The following CSMD3 variants were observed in gnomAD, a reference collection of about 807,000 sequenced individuals.
CSMD3 encodes the protein CUB and sushi domain-containing protein 3.
In CSMD3, 177 loss-of-function variants were observed where a neutral mutation model predicts 435.2. The observed-to-expected ratio is 0.41, with a 90% confidence interval of 0.36 to 0.46. The LOEUF (loss-of-function observed/expected upper bound fraction) is 0.46. Ranked by LOEUF, CSMD3 falls within the 20% of genes least tolerant of loss-of-function variation. The pLI, the probability that CSMD3 is intolerant of heterozygous loss-of-function variation, is 0.34. For synonymous variants in CSMD3, 1,656 were observed against 1,520.5 expected, an observed-to-expected ratio of 1.09 and a Z score of -2.07; for missense variants, 4,265 against 4,504.6, an observed-to-expected ratio of 0.95 and a Z score of 1.52.
chr8:112,444,584 G>T (rs1003799055), intron 32 of CSMD3, among the ~76,000 whole-genome samples: 1 of 152,148 alleles, frequency 6.6e-6, no homozygotes, highest in African/African-American at 2.4e-5. Context: ...AAAATTTTAT[G>T]ATAGCAAAAA....
At chr8:112,640,040 A>G (rs1308173852) in intron 20 of CSMD3, among the ~76,000 whole-genome samples, 1 of 152,170 alleles carries the variant, frequency 6.6e-6, no homozygotes, top group Non-Finnish European at 1.5e-5. Flanking sequence ...TCCATAGACA[A>G]CATGGTTGCT....
chr8:113,262,832 G>A (rs1316023884), intron 3 of CSMD3, among the ~76,000 whole-genome samples: 1 of 152,048 alleles, frequency 6.6e-6, no homozygotes, highest in African/African-American at 2.4e-5. Context: ...TCACAGAGCT[G>A]CCAACGCCTG....
At chr8:112,333,340 T>C (rs1824255453) in intron 45 of CSMD3, among the ~76,000 whole-genome samples, 1 of 152,100 alleles carries the variant, frequency 6.6e-6, no homozygotes, top group Admixed American at 6.5e-5. Context: ...GCTAATTTTG[T>C]ATTTTTAGTA....
At chr8:113,317,060 C>G (rs988916899) in intron 1 of CSMD3, among the ~76,000 whole-genome samples, 2 of 151,950 alleles carry the variant, frequency 1.3e-5, no homozygotes, top group African/African-American at 2.4e-5. Context: ...CATTTTGCCT[C>G]TTTGAAAATT....
At chr8:112,494,509 T>C (rs1428332521) in intron 30 of CSMD3, among the ~76,000 whole-genome samples, 2 of 84,644 alleles carry the variant, frequency 2.4e-5, no homozygotes, top group African/African-American at 8.1e-5. Flanking sequence ...CTTTCTTTCT[T>C]TCTTTCTTTC....
chr8:113,041,141 G>GGTT (rs2087591214), intron 5 of CSMD3, among the ~76,000 whole-genome samples: 3 of 150,202 alleles, frequency 2.0e-5, no homozygotes, highest in African/African-American at 7.3e-5. Flanking sequence ...GGGAAGCAGA[G>GGTT]GTTGCGGTGA....
intron 11 of CSMD3, among the ~76,000 whole-genome samples, chr8:112,847,953 A>G (rs979880258): frequency 6.6e-6 from 1 of 152,108 alleles, no homozygotes; most frequent in African/African-American, 2.4e-5. Context: ...CAGTTTAATA[A>G]TTTTACCTTC....
chr8:112,982,712 C>A (rs1272920890), intron 6 of CSMD3, among the ~76,000 whole-genome samples: 2 of 149,858 alleles, frequency 1.3e-5, no homozygotes, highest in Admixed American at 1.3e-4. Flanking sequence ...TTACAGAGGC[C>A]TTATCCCCTA....
intron 23 of CSMD3, among the ~76,000 whole-genome samples, chr8:112,582,838 A>G (rs531448884): frequency 2.0e-5 from 3 of 152,138 alleles, no homozygotes; most frequent in East Asian, 1.9e-4. Flanking sequence ...AGATACCTCA[A>G]AAAACTTATT....
At chr8:113,290,374 G>A (rs2093677869) in intron 2 of CSMD3, among the ~76,000 whole-genome samples, 1 of 151,526 alleles carries the variant, frequency 6.6e-6, no homozygotes, top group African/African-American at 2.4e-5. Context: ...TTTCAGAAAA[G>A]TTTTGATTCT....
At chr8:113,393,583 T>C (rs1373831523) in intron 1 of CSMD3, among the ~76,000 whole-genome samples, 1 of 151,998 alleles carries the variant, frequency 6.6e-6, no homozygotes, top group Non-Finnish European at 1.5e-5. Context: ...TACTAACAAA[T>C]CACCAATTCT....
chr8:113,428,282 T>C (rs955948302), intron 1 of CSMD3, among the ~76,000 whole-genome samples: 3 of 151,576 alleles, frequency 2.0e-5, no homozygotes, highest in Non-Finnish European at 4.4e-5. Context: ...TCACGACTAT[T>C]GATCTTAAGC....
chr8:113,048,882 C>T (rs1413201829), intron 5 of CSMD3, among the ~76,000 whole-genome samples: 1 of 152,118 alleles, frequency 6.6e-6, no homozygotes, highest in Admixed American at 6.6e-5. Flanking sequence ...AATATTTTCT[C>T]TATCCAAACT....
chr8:112,435,989 C>A (rs1014303597), intron 32 of CSMD3, among the ~76,000 whole-genome samples: 2 of 151,786 alleles, frequency 1.3e-5, no homozygotes, highest in Non-Finnish European at 2.9e-5. Flanking sequence ...TGTGGCAATG[C>A]CCTAAATACC....
intron 32 of CSMD3, among the ~76,000 whole-genome samples, chr8:112,442,140 A>G (rs1278571244): frequency 6.6e-6 from 1 of 152,196 alleles, no homozygotes; most frequent in Non-Finnish European, 1.5e-5. Flanking sequence ...AAGGAGCAAG[A>G]GAGAGGAGGT....
intron 3 of CSMD3, among the ~76,000 whole-genome samples, chr8:113,222,752 T>C (rs1365449781): frequency 6.6e-6 from 1 of 151,120 alleles, no homozygotes; most frequent in African/African-American, 2.4e-5. Context: ...GACCTTTTTA[T>C]TTTAATCAAG....
chr8:112,409,746 T>G (rs754081641), intron 32 of CSMD3, among the ~76,000 whole-genome samples: 4 of 152,046 alleles, frequency 2.6e-5, no homozygotes, highest in Non-Finnish European at 4.4e-5. Context: ...CCTCCATTTT[T>G]ACTTATCCTT....
At chr8:112,348,002 G>A (rs183115759) in intron 40 of CSMD3, among the ~76,000 whole-genome samples, 176 of 152,242 alleles carry the variant, frequency 1.2e-3, no homozygotes, top group African/African-American at 3.9e-3. Context: ...CCTCTGCATT[G>A]ATGGCCCCAC....
intron 3 of CSMD3, among the ~76,000 whole-genome samples, chr8:113,190,943 T>C (rs1052720442): frequency 2.6e-5 from 4 of 151,862 alleles, no homozygotes; most frequent in Non-Finnish European, 4.4e-5. Context: ...CTCTTTCTAA[T>C]ACATTTAAAT....
Sources: allele counts gnomAD v4.1 joint callset (sites outside exome capture counted in the v4.1 genomes callset), GRCh38; gene constraint gnomAD v4.1.1; transcripts MANE v1.5; gene names NCBI Gene and HGNC (gene_info 2026-07-23, HGNC 2026-07-21).